LILRB1: variants seen among roughly 807,000 people sequenced by gnomAD.
LILRB1 encodes leukocyte immunoglobulin-like receptor subfamily B member 1.
LILRB1 carries 59 observed loss-of-function variants against 74.6 expected under a neutral mutation model. The observed-to-expected ratio is 0.79, with a 90% CI of 0.64 to 0.98. The LOEUF is 0.98. LILRB1 is among the 50% of genes least tolerant of loss of function. The pLI is 0.00. For synonymous variants in LILRB1, 328 were observed against 333.9 expected (o/e 0.98, Z 0.19); for missense variants, 804 against 822.6 (o/e 0.98, Z 0.28).
At chr19:54,618,120 AAAAG>A in intron 1 of LILRB1, among the ~76,000 whole-genome samples, 2 of 148,212 alleles carry the variant, frequency 1.3e-5, no homozygotes, top group African/African-American at 2.5e-5. Context: ...AAAAAAGAAA[AAAAG>A]AAAAAAAGAA....
At position 54,637,517 on chromosome 19, in the gene LILRB1, C is replaced by G. The variant is rs539802113; in HGVS notation, c.*639C>G. 4 of 142,082 alleles carry G rather than the reference C, an allele frequency of 2.8e-5. No homozygotes were observed. In the South Asian group the frequency reaches 8.9e-4, roughly 31 times the overall value. 8.8% of individuals were successfully genotyped at this position (142,082 alleles called of 1,614,324 possible). Reference sequence around the variant, plus strand: ...TCCAGCCTGGCGACAGAGGGAGACTCCATCTCAAATTAAAAAAAAAAAAAA... The same window carrying G: ...TCCAGCCTGGCGACAGAGGGAGACTGCATCTCAAATTAAAAAAAAAAAAAA... On this transcript the variant is annotated 3_prime_UTR_variant, in exon 15 of 15. Coordinates refer to ENST00000324602, the MANE Select transcript of LILRB1 (RefSeq NM_001081637.3).
At chr19:54,628,158 G>A (rs2063648621), upstream of LILRB1, among the ~76,000 whole-genome samples, 2 of 152,310 alleles carry the variant, frequency 1.3e-5, no homozygotes, top group Non-Finnish European at 2.9e-5. Context: ...AACAAAGGAA[G>A]GAGGAAGTAA....
upstream of LILRB1, among the ~76,000 whole-genome samples, chr19:54,628,027 C>G (rs1421914659): frequency 6.6e-6 from 1 of 152,192 alleles, no homozygotes; most frequent in Non-Finnish European, 1.5e-5. Flanking sequence ...CATTTATAAC[C>G]TGACACGTCC....
rs1218743231 is a variant in LILRB1 at position 54,632,348 on chromosome 19, G to A, written c.661+111G>A. Reference sequence around the variant, plus strand: ...ATGATGTTGGGGCGAGAGGGCTCAGGGCTCCTGGGGCCAGAGACACAGGAA... The same window carrying A: ...ATGATGTTGGGGCGAGAGGGCTCAGAGCTCCTGGGGCCAGAGACACAGGAA... On this transcript the variant is annotated intron_variant, in intron 5 of 14. Transcript: ENST00000324602. 3.9e-6 allele frequency: 6 copies of A among 1,547,894 alleles called. No homozygotes were observed. In the African/African-American group the frequency reaches 8.2e-5, roughly 21 times the overall value.
At chr19:54,624,439 A>G in intron 1 of LILRB1, among the ~76,000 whole-genome samples, 1 of 152,190 alleles carries the variant, frequency 6.6e-6, no homozygotes, top group East Asian at 1.9e-4. Flanking sequence ...CGTGGTTCCA[A>G]GGCAGAGCCT....
intron 9 of LILRB1, chr19:54,634,410 T>C: frequency 2.0e-6 from 3 of 1,527,908 alleles, no homozygotes; most frequent in East Asian, 2.5e-5. Context: ...CAGGTCAGAC[T>C]CCTGGGCTTC....
Position 54,636,849 on chromosome 19 carries a change from A to G in LILRB1, c.1930A>G (p.Ser644Gly), listed in dbSNP as rs758997220. The change falls in exon 15 of 15, where the codon AGC becomes GGC. Residue 644 changes from serine (S) to glycine (G), a missense_variant. Physicochemically the swap from Ser to Gly is moderately conservative, Grantham distance 56 (BLOSUM62 0). Transcript: ENST00000324602. ...GGAAGGGCCCTCTCCAGCTGTGCCCAGCATCTACGCCACTCTGGCCATCCA... is the reference window on the plus strand; with the variant it reads ...GGAAGGGCCCTCTCCAGCTGTGCCCGGCATCTACGCCACTCTGGCCATCCA... ...SQEGPSPAVP[S>G]IYATLAIH 9 of 1,613,602 alleles carry G rather than the reference A, an allele frequency of 5.6e-6. No individual in the cohort carries two copies. The Admixed American group carries it at 1.5e-4, about 27-fold the overall frequency.
intron 1 of LILRB1, among the ~76,000 whole-genome samples, chr19:54,621,738 G>A (rs904042348): frequency 2.6e-5 from 4 of 151,994 alleles, no homozygotes; most frequent in African/African-American, 7.2e-5. Flanking sequence ...ATTTTTAAGG[G>A]TCTTTACCAT....
Position 54,636,968 on chromosome 19 carries a change from C to G in LILRB1, c.*90C>G. The G allele has an allele frequency of 6.5e-7, 1 of 1,542,686 alleles. No individual in the cohort carries two copies. The highest frequency in any genetic ancestry group is 8.9e-7 in the Non-Finnish European group (1 of 1,128,500). ...TGGACACCATTGGACCCCACCCAGC[C>G]TGGATCTACCCCAGGAGACTCTGGG... On this transcript the variant is annotated 3_prime_UTR_variant, in exon 15 of 15. Transcript: ENST00000324602.
Position 54,635,114 on chromosome 19 carries a change from G to A in LILRB1, c.1497G>A (p.Lys499=), listed in dbSNP as rs10416070. ...QGKHWTSTQR[K]ADFQHPAGAV... is the part of the protein sequence containing the mutation. ...TCCTTCTTCCCCCAGCCCAGAGAAA[G>A]GCTGATTTCCAACATCCTGCAGGGG... The change falls in exon 11 of 15, where the codon AAG becomes AAA. Residue 499 remains lysine (K), a synonymous_variant. Transcript: ENST00000324602. The A allele has an allele frequency of 0.1, 164,599 of 1,578,226 alleles. 9,385 individuals are homozygous for A. The highest frequency in any genetic ancestry group is 0.18 in the African/African-American group (13,440 of 73,932).
intron 1 of LILRB1, among the ~76,000 whole-genome samples, chr19:54,622,090 T>C (rs1227884933): frequency 7.2e-5 from 11 of 152,220 alleles, no homozygotes; most frequent in African/African-American, 2.7e-4. Context: ...TACTATGGCC[T>C]TATAGTATAA....
rs368723007 is a variant in LILRB1, at chr19:54,632,594, C to T, written c.792C>T (p.Asp264=). ...TTCTGTATAAGGACGGGGAACGTGA[C>T]TTCCTTCAGCTCGCTGGCGCACAGC... ...RFVLYKDGER[D]FLQLAGAQPQ... Residue 264 remains aspartate (D), a synonymous_variant, in exon 6 of 15, where the codon GAC becomes GAT. Transcript: ENST00000324602. The T allele has an allele frequency of 3.1e-6, 5 of 1,614,060 alleles. No homozygotes were observed. The African/African-American group carries it at 6.7e-5, about 22-fold the overall frequency.
upstream of LILRB1, among the ~76,000 whole-genome samples, chr19:54,626,257 A>G (rs1257197460): frequency 1.3e-5 from 2 of 152,218 alleles, no homozygotes; most frequent in Non-Finnish European, 2.9e-5. Context: ...CATTTTCTCC[A>G]GTAGTTTTAA....
chr19:54,634,345 T>G, intron 9 of LILRB1: 1 of 1,539,834 alleles, frequency 6.5e-7, no homozygotes. Context: ...TTCAGGACGG[T>G]CAGGCTCTTT....
chr19:54,622,882 T>A (rs778843704), intron 1 of LILRB1, among the ~76,000 whole-genome samples: 2 of 152,214 alleles, frequency 1.3e-5, no homozygotes, highest in Non-Finnish European at 2.9e-5. Flanking sequence ...CATGAAGGGA[T>A]ATTGGACTTT....
intron 8 of LILRB1, 37 bp downstream of exon 8, chr19:54,633,725 G>T: frequency 6.3e-7 from 1 of 1,597,978 alleles, no homozygotes; most frequent in Non-Finnish European, 8.5e-7. Flanking sequence ...AGGGAGTGCG[G>T]CCTCCCCCAG....
At chr19:54,617,538 A>G (rs2146131635) in intron 1 of LILRB1, among the ~76,000 whole-genome samples, 1 of 147,812 alleles carries the variant, frequency 6.8e-6, no homozygotes, top group Middle Eastern at 3.4e-3. Flanking sequence ...TTTTGAAGTA[A>G]AAGCTACAGG....
upstream of LILRB1, chr19:54,630,350 T>G: frequency 3.4e-6 from 1 of 293,162 alleles, no homozygotes; most frequent in South Asian, 3.0e-5. Flanking sequence ...CTCAGAGATT[T>G]GTTCCCGGGG....
At chr19:54,624,438 A>G (rs1340738190) in intron 1 of LILRB1, among the ~76,000 whole-genome samples, 1 of 152,052 alleles carries the variant, frequency 6.6e-6, no homozygotes, top group Non-Finnish European at 1.5e-5. Flanking sequence ...GCGTGGTTCC[A>G]AGGCAGAGCC....
Sources: allele counts gnomAD v4.1 joint callset (sites outside exome capture counted in the v4.1 genomes callset), GRCh38; gene constraint gnomAD v4.1.1; transcripts MANE v1.5; gene names NCBI Gene and HGNC (gene_info 2026-07-23, HGNC 2026-07-21).